The following RPTOR variants were observed in gnomAD, a reference collection of about 807,000 sequenced individuals.
The protein encoded by RPTOR is regulatory associated protein of MTOR complex 1.
A neutral mutation model predicts 169.9 loss-of-function variants in RPTOR; 21 were observed. The ratio of observed to expected loss-of-function variants is 0.12; its 90% CI spans 0.09 to 0.18. The LOEUF (loss-of-function observed/expected upper bound fraction) is 0.18, where lower values mean the gene tolerates loss of function less well. RPTOR is among the 10% of genes least tolerant of loss of function. RPTOR has a pLI of 1.00. For synonymous variants in RPTOR, 732 were observed against 753.2 expected (o/e 0.97, Z 0.46); for missense variants, 1,133 against 1,855.9 (o/e 0.61, Z 7.16).
Position 80,818,865 on chromosome 17 carries a change from A to G in RPTOR, c.891-3336A>G, listed in dbSNP as rs547708159. 2.8e-3 allele frequency among the ~76,000 whole-genome samples: 425 copies of G among 152,344 alleles called. 2 individuals carry two copies. Among genetic ancestry groups the G allele is most frequent in the South Asian group, 9.1e-3 (44 of 4,830 alleles). On this transcript the variant is annotated intron_variant, in intron 7 of 33. Coordinates refer to ENST00000306801, the MANE Select transcript of RPTOR (RefSeq NM_020761.3). Reference sequence around the variant, plus strand: ...CACTGGTCCTATCTGGCCTCCGTTTATCTTGATGGCTTGGCCATCCAGTGA... The same window carrying G: ...CACTGGTCCTATCTGGCCTCCGTTTGTCTTGATGGCTTGGCCATCCAGTGA...
chr17:80,757,353 C>T (rs761999002), intron 6 of RPTOR, among the ~76,000 whole-genome samples: 26 of 152,180 alleles, frequency 1.7e-4, no homozygotes, highest in Admixed American at 3.3e-4. Flanking sequence ...CCTTCCCTGA[C>T]GCCACGTTGT....
At chr17:80,718,730 G>C (rs190477874) in intron 4 of RPTOR, among the ~76,000 whole-genome samples, 1 of 152,350 alleles carries the variant, frequency 6.6e-6, no homozygotes, top group East Asian at 1.9e-4. Context: ...AAGCAGTTCT[G>C]TGCTATGGGA....
At chr17:80,783,143 C>G (rs2066958172) in intron 6 of RPTOR, among the ~76,000 whole-genome samples, 1 of 152,224 alleles carries the variant, frequency 6.6e-6, no homozygotes, top group Non-Finnish European at 1.5e-5. Flanking sequence ...GGAGAAGGGA[C>G]AGGCAAGGAG....
chr17:80,703,048 C>T lies in RPTOR; in HGVS notation c.349-4793C>T, dbSNP rs79263528. Among the ~76,000 whole-genome samples the T allele has an allele frequency of 4.4e-3, 673 of 152,312 alleles. 6 individuals carry two copies. Among genetic ancestry groups the T allele is most frequent in the African/African-American group, 0.015 (640 of 41,570 alleles). On this transcript the variant is annotated intron_variant, in intron 3 of 33. Transcript: ENST00000306801. ...CCCAGCCCCTGCAGATCGATGGGCC[C>T]GTGCTCCAGGGAGACAGATGTGGAG...
At chr17:80,576,741 T>C (rs986200980) in intron 1 of RPTOR, among the ~76,000 whole-genome samples, 4 of 152,258 alleles carry the variant, frequency 2.6e-5, no homozygotes, top group African/African-American at 9.6e-5. Flanking sequence ...TCTCGCTCTG[T>C]TATCCAGGCT....
rs557032040 is a variant in RPTOR, at chr17:80,959,706, CAGAG to C, written c.3478-367_3478-364del. ...GTGCTTTGCTTTCCTTTTTAGGAAA[CAGAG>C]AGAGGTTGGAAGTTTAATTGGCACT... On this transcript the variant is annotated intron_variant, in intron 29 of 33. Coordinates refer to ENST00000306801, the MANE Select transcript of RPTOR (RefSeq NM_020761.3). The surrounding 1 kb of genome is among the most constrained non-coding windows in gnomAD (Gnocchi z 6.7). Among the ~76,000 whole-genome samples the C allele has an allele frequency of 2.8e-4, 43 of 152,188 alleles. No homozygotes were observed. Among genetic ancestry groups the C allele is most frequent in the Non-Finnish European group, 5.7e-4 (39 of 68,034 alleles).
intron 16 of RPTOR, among the ~76,000 whole-genome samples, chr17:80,884,552 C>A (rs543007946): frequency 6.6e-5 from 10 of 152,174 alleles, no homozygotes; most frequent in Non-Finnish European, 8.8e-5. Flanking sequence ...AGCCAGGGTC[C>A]CCGGACCCCA....
At chr17:80,939,113 C>T (rs2068990962) in intron 24 of RPTOR, among the ~76,000 whole-genome samples, 1 of 152,136 alleles carries the variant, frequency 6.6e-6, no homozygotes, top group South Asian at 2.1e-4. Context: ...AGGGTTCTTA[C>T]CTTGTTTATT....
At chr17:80,710,103 A>G (rs1468821062) in intron 4 of RPTOR, among the ~76,000 whole-genome samples, 1 of 141,678 alleles carries the variant, frequency 7.1e-6, no homozygotes, top group African/African-American at 2.4e-5. Flanking sequence ...CAGCCTCCCA[A>G]GTAGGTGGGA....
At chr17:80,696,037 C>T (rs1233378341) in intron 3 of RPTOR, among the ~76,000 whole-genome samples, 1 of 152,216 alleles carries the variant, frequency 6.6e-6, no homozygotes, top group Non-Finnish European at 1.5e-5. Context: ...AAGGTGGCAT[C>T]TGGCGACTGG....
intron 3 of RPTOR, among the ~76,000 whole-genome samples, chr17:80,676,627 C>A (rs188621205): frequency 9.8e-4 from 150 of 152,330 alleles, no homozygotes; most frequent in African/African-American, 3.5e-3. Flanking sequence ...CGGAATACTG[C>A]ATACAGTTGG....
At chr17:80,944,851 C>T (rs556335269) in intron 25 of RPTOR, among the ~76,000 whole-genome samples, 65 of 152,142 alleles carry the variant, frequency 4.3e-4, no homozygotes, top group African/African-American at 1.6e-3. Flanking sequence ...ATTAGCTGGG[C>T]GTGGTGGCGG....
chr17:80,730,674 C>A lies in RPTOR; in HGVS notation c.622C>A (p.Gln208Lys). 6.2e-7 allele frequency: 1 copy of A among 1,609,008 alleles called. No individual in the cohort carries two copies. Among genetic ancestry groups the A allele is most frequent in the Non-Finnish European group, 8.5e-7 (1 of 1,177,274 alleles). Residue 208 changes from glutamine to lysine, a missense_variant, in exon 5 of 34, where the codon CAG (glutamine) becomes AAG (lysine). Physicochemically the swap from Gln to Lys is moderately conservative, Grantham distance 53 (BLOSUM62 1). Coordinates refer to ENST00000306801, the MANE Select transcript of RPTOR (RefSeq NM_020761.3). The surrounding 1 kb of genome is among the most constrained non-coding windows in gnomAD (Gnocchi z 4.2). ...TGGCTTGATCGTCAAGTCCTTCAAG[C>A]AGTTCGCACTACAGCGGGAGCAGGA... is the stretch of plus-strand genomic sequence containing the variant. Reference protein sequence around the residue: ...NAGLIVKSFKQFALQREQELE... With the variant: ...NAGLIVKSFKKFALQREQELE...
chr17:80,786,569 A>G (rs905808413), intron 6 of RPTOR, among the ~76,000 whole-genome samples: 1 of 152,226 alleles, frequency 6.6e-6, no homozygotes, highest in Non-Finnish European at 1.5e-5. Context: ...CGGCACTGCC[A>G]TGTGGCTGGA....
At position 80,896,876 on chromosome 17, in the gene RPTOR, C is replaced by T. The variant is rs527755555; in HGVS notation, c.2401+3011C>T. Among the ~76,000 whole-genome samples the T allele has an allele frequency of 1.1e-4, 16 of 152,330 alleles. No individual in the cohort carries two copies. The South Asian group carries it at 3.1e-3, about 30-fold the overall frequency. ...TATGTCTTCAAGACAGTCTAACTTT[C>T]TGCATAAAGGTCACAGGCATGACGT... On this transcript the variant is annotated intron_variant, in intron 20 of 33. Transcript: ENST00000306801.
intron 3 of RPTOR, among the ~76,000 whole-genome samples, chr17:80,658,154 C>CAG (rs1358818301): frequency 9.2e-5 from 14 of 152,178 alleles, no homozygotes; most frequent in Non-Finnish European, 1.6e-4. Context: ...GGATTTTAAA[C>CAG]CCCACAGTAT....
Position 80,960,241 on chromosome 17 carries a change from G to A in RPTOR, c.3605+36G>A. On this transcript the variant is annotated intron_variant, in intron 30 of 33. Transcript: ENST00000306801. The surrounding 1 kb of genome is among the most constrained non-coding windows in gnomAD (Gnocchi z 4.8). ...CCTGTCCTCTCCCTCCCCGAGTGCT[G>A]GCAGGGTACCTTCCAGGTGGTAGGG... is the stretch of plus-strand genomic sequence containing the variant. 6.2e-7 allele frequency: 1 copy of A among 1,611,522 alleles called. No homozygotes were observed. The highest frequency in any genetic ancestry group is 8.5e-7 in the Non-Finnish European group (1 of 1,178,718).
chr17:80,684,404 GTTTATTTATTTATTTA>G (rs55921146), intron 3 of RPTOR, among the ~76,000 whole-genome samples: 21,437 of 136,778 alleles, frequency 0.16, 1,769 homozygotes, highest in Non-Finnish European at 0.2. Flanking sequence ...GGAGATACAT[GTTTATTTATTTATTTA>G]TTTATTTATT....
intron 4 of RPTOR, among the ~76,000 whole-genome samples, chr17:80,710,571 ATGTGTGTGTG>A (rs59732457): frequency 0.029 from 4,164 of 144,890 alleles, 60 homozygotes; most frequent in African/African-American, 0.038. Context: ...GGTTATTTGT[ATGTGTGTGTG>A]TGTGTGTGTG....
Sources: gnomAD v4.1 joint callset for allele counts (sites outside exome capture counted in the v4.1 genomes callset) on GRCh38, gnomAD v4.1.1 for gene constraint, Gnocchi (gnomAD v3.1) non-coding constraint, MANE v1.5 for transcripts, NCBI Gene and HGNC (gene_info 2026-07-23, HGNC 2026-07-21) for gene names.